MTUS2: variants seen among roughly 807,000 people sequenced by gnomAD.
MTUS2 encodes the protein microtubule associated scaffold protein 2.
MTUS2 carries 40 observed loss-of-function variants against 114.1 expected under a neutral mutation model. That is an observed-to-expected ratio of 0.35 (90% confidence interval 0.27 to 0.46). MTUS2 has a LOEUF of 0.46. Among genes scored for constraint, MTUS2 ranks in the 20% least tolerant of loss-of-function variants. MTUS2 has a pLI of 1.00. For synonymous variants in MTUS2, 688 were observed against 672.0 expected (o/e 1.02, Z -0.37); for missense variants, 1,679 against 1,705.4 (o/e 0.98, Z 0.27).
intron 5 of MTUS2, among the ~76,000 whole-genome samples, chr13:29,281,486 T>C (rs988273312): frequency 6.6e-6 from 1 of 151,772 alleles, no homozygotes; most frequent in African/African-American, 2.4e-5. Context: ...GAGCCCCGTT[T>C]AGTGCACGGG....
intron 2 of MTUS2, among the ~76,000 whole-genome samples, chr13:28,901,091 T>C (rs765050991): frequency 3.9e-5 from 6 of 152,204 alleles, no homozygotes; most frequent in Admixed American, 6.5e-5. Flanking sequence ...TGGTATCTTA[T>C]TGTGATTTTG....
At chr13:29,081,910 G>A (rs562609590) in intron 4 of MTUS2, among the ~76,000 whole-genome samples, 36 of 152,256 alleles carry the variant, frequency 2.4e-4, no homozygotes, top group African/African-American at 8.4e-4. Flanking sequence ...TATGCAGATG[G>A]AATCAACTTT....
intron 2 of MTUS2, among the ~76,000 whole-genome samples, chr13:28,939,053 A>T (rs763981924): frequency 6.6e-6 from 1 of 152,222 alleles, no homozygotes; most frequent in Admixed American, 6.5e-5. Flanking sequence ...CAGCGCTGTA[A>T]CCACTTTCTC....
rs530749899 is a variant in MTUS2, at chr13:29,262,815, G to A, written c.2645-18889G>A. Among the ~76,000 whole-genome samples the A allele has an allele frequency of 2.8e-3, 427 of 152,258 alleles. 1 individual carries two copies. The highest frequency in any genetic ancestry group is 4.8e-3 in the Non-Finnish European group (325 of 68,026). On this transcript the variant is annotated intron_variant, in intron 5 of 15. Transcript: ENST00000612955. ...TAAGGCTTGCTATAGGGGCTTGCAT[G>A]AGACAGGATCTCATAAAATATGGTG...
rs185100347 is a variant in MTUS2 at position 29,071,672 on chromosome 13, C to T, written c.2447-29101C>T. ...CGAACTCCTGACTTCATGATCCGCCCGCTTTGGCCTCCCAAAGTGCTGGGA... is the reference window on the plus strand; with the variant it reads ...CGAACTCCTGACTTCATGATCCGCCTGCTTTGGCCTCCCAAAGTGCTGGGA... On this transcript the variant is annotated intron_variant, in intron 4 of 15. Transcript: ENST00000612955. Among the ~76,000 whole-genome samples, 530 of 152,064 alleles carry T rather than the reference C, an allele frequency of 3.5e-3. 2 individuals are homozygous for T. The highest frequency in any genetic ancestry group is 0.012 in the African/African-American group (498 of 41,456).
chr13:29,206,751 T>G (rs968593043), intron 5 of MTUS2, among the ~76,000 whole-genome samples: 3 of 152,232 alleles, frequency 2.0e-5, no homozygotes, highest in African/African-American at 7.2e-5. Context: ...TTCTCTATTC[T>G]GTTCCATTGG....
intron 3 of MTUS2, among the ~76,000 whole-genome samples, chr13:29,030,045 A>T (rs769319094): frequency 1.3e-5 from 2 of 152,220 alleles, no homozygotes; most frequent in Non-Finnish European, 2.9e-5. Context: ...TGATTTGGAT[A>T]TGTAGGCCCA....
At chr13:29,089,840 G>T (rs1394701450) in intron 4 of MTUS2, among the ~76,000 whole-genome samples, 1 of 152,168 alleles carries the variant, frequency 6.6e-6, no homozygotes, top group African/African-American at 2.4e-5. Context: ...TCAACTGTTA[G>T]ATTGTTTTAC....
intron 4 of MTUS2, among the ~76,000 whole-genome samples, chr13:29,070,496 A>G (rs1349308196): frequency 6.6e-6 from 1 of 152,118 alleles, no homozygotes; most frequent in African/African-American, 2.4e-5. Flanking sequence ...CCAGTTGGGT[A>G]AATATTCTTT....
intron 5 of MTUS2, among the ~76,000 whole-genome samples, chr13:29,124,275 T>A (rs1891426304): frequency 6.6e-6 from 1 of 152,192 alleles, no homozygotes; most frequent in Admixed American, 6.5e-5. Context: ...ATATTCTAAT[T>A]TAATGTAAAT....
intron 2 of MTUS2, among the ~76,000 whole-genome samples, chr13:28,919,639 T>G (rs1041761852): frequency 6.6e-6 from 1 of 152,176 alleles, no homozygotes; most frequent in Non-Finnish European, 1.5e-5. Context: ...TCTCTTATAT[T>G]ATCCCTTTGA....
At chr13:29,208,461 TCTG>T (rs1395567636) in intron 5 of MTUS2, among the ~76,000 whole-genome samples, 2 of 152,146 alleles carry the variant, frequency 1.3e-5, no homozygotes, top group Non-Finnish European at 2.9e-5. Context: ...TTTCTTTTCT[TCTG>T]CTGCATTTGT....
At chr13:28,885,994 G>A (rs1190671401) in intron 2 of MTUS2, among the ~76,000 whole-genome samples, 1 of 152,164 alleles carries the variant, frequency 6.6e-6, no homozygotes, top group African/African-American at 2.4e-5. Context: ...GGCTTGTGGA[G>A]CAGTTGGGGA....
chr13:29,286,119 T>C (rs1185626526), intron 6 of MTUS2, among the ~76,000 whole-genome samples: 1 of 152,190 alleles, frequency 6.6e-6, no homozygotes, highest in Non-Finnish European at 1.5e-5. Flanking sequence ...AGAGTTGGGG[T>C]TTCACCATGT....
intron 8 of MTUS2, among the ~76,000 whole-genome samples, 162 bp downstream of exon 8, chr13:29,359,635 A>G (rs1316060385): frequency 5.3e-5 from 8 of 152,224 alleles, no homozygotes; most frequent in Non-Finnish European, 1.2e-4. Context: ...GCATCCCATC[A>G]TCTTTGGGGA....
chr13:29,286,668 G>GTCTATCTATCTATCTATCTATCTATCTA (rs746176943), intron 6 of MTUS2, among the ~76,000 whole-genome samples: 361 of 78,964 alleles, frequency 4.6e-3, no homozygotes, highest in African/African-American at 7.6e-3. Flanking sequence ...CTGTCTGTCT[G>GTCTATCTATCTATCTATCTATCTATCTA]TCTGTCTATC....
At chr13:28,820,145 T>C (rs1352614656), upstream of MTUS2, among the ~76,000 whole-genome samples, 3 of 146,572 alleles carry the variant, frequency 2.0e-5, no homozygotes, top group Non-Finnish European at 4.6e-5. Flanking sequence ...CGGCTTCTCT[T>C]TGTCCAGGCG....
At chr13:29,125,042 C>T (rs1026122089) in intron 5 of MTUS2, among the ~76,000 whole-genome samples, 1 of 152,160 alleles carries the variant, frequency 6.6e-6, no homozygotes, top group Non-Finnish European at 1.5e-5. Context: ...TGTAAATGTA[C>T]TTAATACCAC....
At chr13:29,014,383 A>G (rs1443680761) in intron 2 of MTUS2, among the ~76,000 whole-genome samples, 1 of 152,228 alleles carries the variant, frequency 6.6e-6, no homozygotes, top group Non-Finnish European at 1.5e-5. Flanking sequence ...AGCTAAATAA[A>G]TTAGGAAAGC....
Sources: allele counts gnomAD v4.1 joint callset (sites outside exome capture counted in the v4.1 genomes callset), GRCh38; gene constraint gnomAD v4.1.1; transcripts MANE v1.5; gene names NCBI Gene and HGNC (gene_info 2026-07-23, HGNC 2026-07-21).